GALNT14: variants seen among roughly 807,000 people sequenced by gnomAD.
GALNT14 encodes the protein UDP-GalNAc:polypeptide N-acetylgalactosaminyltransferase 14.
A neutral mutation model predicts 77.5 loss-of-function variants in GALNT14; 60 were observed. The ratio of observed to expected loss-of-function variants is 0.77; its 90% confidence interval spans 0.63 to 0.96. GALNT14 has a LOEUF of 0.96. Among genes scored for constraint, GALNT14 ranks in the 40% least tolerant of loss-of-function variants. The pLI is 0.00. For missense variants in GALNT14, 710 were observed against 731.0 expected, an observed-to-expected ratio of 0.97 and a Z score of 0.33; for synonymous variants, 280 against 281.7, an observed-to-expected ratio of 0.99 and a Z score of 0.06.
chr2:31,025,548 A>C (rs1234849354), intron 1 of GALNT14, among the ~76,000 whole-genome samples: 1 of 152,204 alleles, frequency 6.6e-6, no homozygotes, highest in Non-Finnish European at 1.5e-5. Flanking sequence ...CAGGGAGCAG[A>C]GAAAACACCG....
intron 5 of GALNT14, 68 bp downstream of exon 5, chr2:30,955,844 A>G: frequency 3.1e-6 from 5 of 1,609,894 alleles, no homozygotes; most frequent in Non-Finnish European, 4.2e-6. Flanking sequence ...CCCAACACAC[A>G]CACACCATCA....
chr2:31,036,851 A>G (rs748415153), intron 1 of GALNT14, among the ~76,000 whole-genome samples: 2 of 152,310 alleles, frequency 1.3e-5, no homozygotes, highest in South Asian at 2.1e-4. Flanking sequence ...AAGGTTTCCA[A>G]TGAGAAGTCA....
chr2:31,131,506 C>CA (rs1678992748), intron 1 of GALNT14, among the ~76,000 whole-genome samples: 2 of 152,018 alleles, frequency 1.3e-5, no homozygotes, highest in Admixed American at 1.3e-4. Context: ...GATTATTTTC[C>CA]AAAAAATGCA....
intron 1 of GALNT14, 85 bp from the exon 2 acceptor site, chr2:30,993,092 G>A: frequency 7.0e-7 from 1 of 1,432,018 alleles, no homozygotes. Context: ...CAACCCCAGA[G>A]ACCAGGCTTA....
chr2:31,006,758 T>C (rs1294386116), intron 1 of GALNT14, among the ~76,000 whole-genome samples: 1 of 152,194 alleles, frequency 6.6e-6, no homozygotes, highest in Non-Finnish European at 1.5e-5. Context: ...TAAACTGGAA[T>C]ATGGCTAGGA....
chr2:31,085,479 C>T (rs1558559096), intron 1 of GALNT14, among the ~76,000 whole-genome samples: 1 of 152,368 alleles, frequency 6.6e-6, no homozygotes, highest in South Asian at 2.1e-4. Context: ...CACAGGGCCA[C>T]AGGGCAGGAG....
chr2:30,931,388 G>A (rs963187334), intron 10 of GALNT14, among the ~76,000 whole-genome samples: 1 of 152,168 alleles, frequency 6.6e-6, no homozygotes, highest in Non-Finnish European at 1.5e-5. Context: ...GAATATTCAC[G>A]AATTATTCTG....
At chr2:31,120,757 A>T (rs1678370344) in intron 1 of GALNT14, among the ~76,000 whole-genome samples, 1 of 152,038 alleles carries the variant, frequency 6.6e-6, no homozygotes, top group African/African-American at 2.4e-5. Flanking sequence ...GGGTTTCACT[A>T]TGTTGGCCAG....
At chr2:30,919,355 G>C (rs993327428) in intron 13 of GALNT14, among the ~76,000 whole-genome samples, 1 of 152,182 alleles carries the variant, frequency 6.6e-6, no homozygotes, top group Non-Finnish European at 1.5e-5. Flanking sequence ...GGGAAGGCAG[G>C]TGAGGAATGG....
At chr2:30,912,151 A>G in intron 14 of GALNT14, 72 bp downstream of exon 14, 1 of 1,569,782 alleles carries the variant, frequency 6.4e-7, no homozygotes, top group Non-Finnish European at 8.7e-7. Context: ...TTTCCTGCTC[A>G]TCAGACTAAG....
At chr2:31,003,901 G>A (rs189789551) in intron 1 of GALNT14, among the ~76,000 whole-genome samples, 1 of 152,310 alleles carries the variant, frequency 6.6e-6, no homozygotes, top group East Asian at 1.9e-4. Flanking sequence ...GCATGACTGG[G>A]GAAGCGGGCC....
intron 13 of GALNT14, among the ~76,000 whole-genome samples, chr2:30,914,497 G>A (rs752202012): frequency 1.4e-4 from 21 of 152,190 alleles, no homozygotes; most frequent in Non-Finnish European, 2.2e-4. Context: ...AACAAAGGTT[G>A]TACCCCCTTG....
At chr2:31,036,392 C>A (rs548048103) in intron 1 of GALNT14, among the ~76,000 whole-genome samples, 1 of 152,286 alleles carries the variant, frequency 6.6e-6, no homozygotes, top group African/African-American at 2.4e-5. Context: ...TATACAAAAA[C>A]TTTCCTCATA....
intron 1 of GALNT14, among the ~76,000 whole-genome samples, chr2:30,995,002 G>A (rs925676697): frequency 2.6e-5 from 4 of 152,112 alleles, no homozygotes; most frequent in Admixed American, 1.3e-4. Context: ...AAATGAGTTC[G>A]ATCTTGAAGG....
intron 1 of GALNT14, among the ~76,000 whole-genome samples, chr2:31,124,252 G>T (rs1678575841): frequency 1.3e-5 from 2 of 152,196 alleles, no homozygotes; most frequent in South Asian, 4.1e-4. Context: ...TCCTGCCAGG[G>T]CTCTAGCATC....
chr2:30,970,880 A>AT (rs1668308071), intron 2 of GALNT14, among the ~76,000 whole-genome samples: 1 of 151,998 alleles, frequency 6.6e-6, no homozygotes, highest in Non-Finnish European at 1.5e-5. Context: ...GACCCTCACA[A>AT]CCGCCCCCAC....
chr2:30,904,269 C>G, the GALNT14 span, among the ~76,000 whole-genome samples: 2 of 152,194 alleles, frequency 1.3e-5, no homozygotes, highest in African/African-American at 4.8e-5. Flanking sequence ...ACGCAGAAGA[C>G]GGTGATTTCT....
intron 9 of GALNT14, among the ~76,000 whole-genome samples, chr2:30,941,149 G>A (rs1169772174): frequency 6.6e-6 from 1 of 152,262 alleles, no homozygotes; most frequent in Non-Finnish European, 1.5e-5. Context: ...CTGAGCCCCT[G>A]CTCAGAGAGC....
At chr2:30,929,615 A>T in intron 10 of GALNT14, 128 bp from the exon 11 acceptor site, 2 of 661,406 alleles carry the variant, frequency 3.0e-6, no homozygotes, top group Non-Finnish European at 5.4e-6. Flanking sequence ...ACCATGGTCA[A>T]CCGACTATCA....
Sources: gnomAD v4.1 joint callset for allele counts (sites outside exome capture counted in the v4.1 genomes callset) on GRCh38, gnomAD v4.1.1 for gene constraint, MANE v1.5 for transcripts, NCBI Gene and HGNC (gene_info 2026-07-23, HGNC 2026-07-21) for gene names.